The following RALGPS1 variants were observed in gnomAD, a reference collection of about 807,000 sequenced individuals.
RALGPS1 encodes ras-specific guanine nucleotide-releasing factor RalGPS1.
Under a neutral mutation model 78.8 loss-of-function variants are expected in RALGPS1, and 19 were observed. The observed-to-expected ratio is 0.24, with a 90% confidence interval of 0.17 to 0.35. The LOEUF (loss-of-function observed/expected upper bound fraction) is 0.35, where lower values mean the gene tolerates loss of function less well. Among genes scored for constraint, RALGPS1 ranks in the 10% least tolerant of loss-of-function variants. The pLI is 1.00. For missense variants in RALGPS1, 454 were observed against 688.3 expected, an observed-to-expected ratio of 0.66 and a Z score of 3.81; for synonymous variants, 228 against 256.3, an observed-to-expected ratio of 0.89 and a Z score of 1.06.
chr9:126,948,130 T>G (rs1345465469), intron 1 of RALGPS1, among the ~76,000 whole-genome samples: 1 of 152,174 alleles, frequency 6.6e-6, no homozygotes, highest in African/African-American at 2.4e-5. Context: ...AGGGACTAGG[T>G]AGGGGCTTTG....
At chr9:126,992,240 G>A (rs1292251340) in intron 4 of RALGPS1, among the ~76,000 whole-genome samples, 3 of 152,174 alleles carry the variant, frequency 2.0e-5, no homozygotes, top group South Asian at 2.1e-4. Context: ...CATGAGGACA[G>A]CATGAGATTA....
intron 1 of RALGPS1, among the ~76,000 whole-genome samples, chr9:126,938,262 A>G (rs2036444425): frequency 6.6e-6 from 1 of 152,222 alleles, no homozygotes; most frequent in Non-Finnish European, 1.5e-5. Flanking sequence ...ATATATTGTT[A>G]GGTTTAAAAA....
chr9:126,950,778 A>T (rs1191432168), intron 1 of RALGPS1, among the ~76,000 whole-genome samples: 24 of 151,878 alleles, frequency 1.6e-4, no homozygotes, highest in African/African-American at 5.6e-4. Context: ...GAGCAAACAC[A>T]TTCAAAAGCT....
intron 8 of RALGPS1, among the ~76,000 whole-genome samples, chr9:127,130,830 C>G (rs2056954254): frequency 6.6e-6 from 1 of 152,214 alleles, no homozygotes; most frequent in Non-Finnish European, 1.5e-5. Flanking sequence ...GTCTGGCACC[C>G]AGAAGCCTGC....
intron 8 of RALGPS1, among the ~76,000 whole-genome samples, chr9:127,123,240 G>A (rs1380407727): frequency 1.3e-5 from 2 of 152,250 alleles, no homozygotes; most frequent in Admixed American, 6.5e-5. Flanking sequence ...GGAGCTGCTC[G>A]AAGTTAGCAG....
At chr9:127,079,133 G>A (rs2050943355) in intron 8 of RALGPS1, among the ~76,000 whole-genome samples, 1 of 152,184 alleles carries the variant, frequency 6.6e-6, no homozygotes, top group Non-Finnish European at 1.5e-5. Context: ...ACCTGAGAAG[G>A]AAAGTACTTC....
intron 4 of RALGPS1, chr9:126,990,174 A>G (rs2042160452): frequency 8.3e-6 from 6 of 727,144 alleles, no homozygotes; most frequent in Non-Finnish European, 1.1e-5. Flanking sequence ...AGTCATTTGT[A>G]AAGTGGAGAT....
At chr9:127,101,661 C>T (rs2136852032) in intron 8 of RALGPS1, among the ~76,000 whole-genome samples, 1 of 152,324 alleles carries the variant, frequency 6.6e-6, no homozygotes, top group African/African-American at 2.4e-5. Context: ...CAAAGGAAAC[C>T]TGCTTTGTGG....
chr9:126,939,483 T>C (rs1022384736), intron 1 of RALGPS1, among the ~76,000 whole-genome samples: 9 of 152,232 alleles, frequency 5.9e-5, no homozygotes, highest in African/African-American at 1.9e-4. Flanking sequence ...ACTTAACACA[T>C]ATAGAGCACT....
At chr9:127,177,973 A>G in intron 11 of RALGPS1, 1 of 1,545,576 alleles carries the variant, frequency 6.5e-7, no homozygotes, top group Non-Finnish European at 8.7e-7. Context: ...TGGACCCCAG[A>G]TGGTTCACAT....
intron 8 of RALGPS1, among the ~76,000 whole-genome samples, chr9:127,158,223 G>A (rs113683748): frequency 1.4e-3 from 219 of 152,026 alleles, no homozygotes; most frequent in African/African-American, 4.8e-3. Flanking sequence ...TCTAGATATT[G>A]TATTTTAATT....
At chr9:126,941,129 C>G (rs1395253424) in intron 1 of RALGPS1, among the ~76,000 whole-genome samples, 1 of 71,410 alleles carries the variant, frequency 1.4e-5, no homozygotes, top group Non-Finnish European at 3.2e-5. Context: ...TTCTCATATA[C>G]GCCCCCCCCC....
chr9:127,175,305 CTT>C (rs1370822456), intron 11 of RALGPS1, among the ~76,000 whole-genome samples: 1 of 152,226 alleles, frequency 6.6e-6, no homozygotes, highest in East Asian at 1.9e-4. Flanking sequence ...GGCTTTGTCA[CTT>C]TACCTGTAAT....
chr9:127,072,424 A>G (rs2050289618), intron 8 of RALGPS1, among the ~76,000 whole-genome samples: 1 of 152,194 alleles, frequency 6.6e-6, no homozygotes, highest in Non-Finnish European at 1.5e-5. Flanking sequence ...CATGTTGCCT[A>G]GGCTGGTCTC....
intron 4 of RALGPS1, among the ~76,000 whole-genome samples, chr9:127,027,841 C>G (rs1388295342): frequency 6.6e-6 from 1 of 152,238 alleles, no homozygotes; most frequent in African/African-American, 2.4e-5. Context: ...CCAGCACTTA[C>G]TAGCCATGTG....
At chr9:126,945,580 A>G (rs985100156) in intron 1 of RALGPS1, among the ~76,000 whole-genome samples, 3 of 151,996 alleles carry the variant, frequency 2.0e-5, no homozygotes, top group East Asian at 3.9e-4. Flanking sequence ...AGGCACCTCA[A>G]AACCCCAGCT....
intron 8 of RALGPS1, among the ~76,000 whole-genome samples, chr9:127,119,375 C>T (rs992132456): frequency 2.0e-5 from 3 of 152,158 alleles, no homozygotes; most frequent in African/African-American, 4.8e-5. Flanking sequence ...TGGCTACTGA[C>T]GACACTGGGC....
intron 14 of RALGPS1, chr9:127,210,636 C>A: frequency 7.4e-7 from 1 of 1,349,232 alleles, no homozygotes; most frequent in Non-Finnish European, 1.0e-6. Context: ...CTCTTGCCTC[C>A]TTCAGGAGCA....
intron 4 of RALGPS1, chr9:126,989,862 A>G: frequency 1.9e-6 from 3 of 1,548,882 alleles, no homozygotes; most frequent in Non-Finnish European, 1.7e-6. Flanking sequence ...TGACTTGACC[A>G]GCATCTGTTG....
Sources: gnomAD v4.1 joint callset for allele counts (sites outside exome capture counted in the v4.1 genomes callset) on GRCh38, gnomAD v4.1.1 for gene constraint, MANE v1.5 for transcripts, NCBI Gene and HGNC (gene_info 2026-07-23, HGNC 2026-07-21) for gene names.